CELF2: variants seen among roughly 807,000 people sequenced by gnomAD.
CELF2 encodes the protein CUG triplet repeat RNA-binding protein 2.
CELF2 carries 8 observed loss-of-function variants against 62.6 expected under a neutral mutation model. That is an observed-to-expected ratio of 0.13 (90% confidence interval 0.07 to 0.23). The LOEUF (loss-of-function observed/expected upper bound fraction) is 0.23, where lower values mean the gene tolerates loss of function less well. CELF2 is among the 10% of genes least tolerant of loss of function. The pLI is 1.00. For synonymous variants in CELF2, 258 were observed against 250.0 expected (o/e 1.03, Z -0.30); for missense variants, 333 against 671.0 (o/e 0.50, Z 5.56).
At chr10:11,164,587 C>T (rs1309878157) in intron 1 of CELF2, among the ~76,000 whole-genome samples, 1 of 151,738 alleles carries the variant, frequency 6.6e-6, no homozygotes, top group Non-Finnish European at 1.5e-5. Context: ...GTCAGATATA[C>T]AGAGAACAAT....
At chr10:10,880,022 C>T (rs932832247) in intron 1 of CELF2, among the ~76,000 whole-genome samples, 5 of 152,174 alleles carry the variant, frequency 3.3e-5, no homozygotes, top group Non-Finnish European at 5.9e-5. Flanking sequence ...TTTATTCAGC[C>T]TTCTAAGTAG....
At chr10:10,988,165 C>T (rs1243821724) in intron 2 of CELF2, among the ~76,000 whole-genome samples, 1 of 151,910 alleles carries the variant, frequency 6.6e-6, no homozygotes, top group Non-Finnish European at 1.5e-5. Context: ...GCACAATTCG[C>T]AATTGCCAAG....
At chr10:11,006,996 G>A (rs2055392067) in intron 1 of CELF2, among the ~76,000 whole-genome samples, 1 of 152,148 alleles carries the variant, frequency 6.6e-6, no homozygotes, top group Non-Finnish European at 1.5e-5. Context: ...AGAAATAAAA[G>A]AATTGGCCCT....
chr10:10,692,088 T>C, the CELF2 span, among the ~76,000 whole-genome samples: 2,206 of 145,142 alleles, frequency 0.015, 27 homozygotes, highest in East Asian at 0.12. Context: ...TTGCCCATGC[T>C]TATGTCCTGA....
chr10:10,670,400 A>G, the CELF2 span, among the ~76,000 whole-genome samples: 1 of 152,200 alleles, frequency 6.6e-6, no homozygotes, highest in African/African-American at 2.4e-5. Context: ...AAATGAAAAT[A>G]AGGTTATTCG....
chr10:10,601,337 C>T, the CELF2 span, among the ~76,000 whole-genome samples: 1 of 152,146 alleles, frequency 6.6e-6, no homozygotes, highest in Non-Finnish European at 1.5e-5. Flanking sequence ...GGGACAGCAG[C>T]AAGAAGAGGT....
intron 1 of CELF2, among the ~76,000 whole-genome samples, chr10:10,879,977 G>C (rs1250918940): frequency 6.6e-6 from 1 of 152,134 alleles, no homozygotes; most frequent in Non-Finnish European, 1.5e-5. Context: ...AACTCAAGCA[G>C]TTCAATTTTC....
the CELF2 span, among the ~76,000 whole-genome samples, chr10:10,628,030 G>A: frequency 2.0e-5 from 3 of 152,244 alleles, no homozygotes; most frequent in Admixed American, 2.0e-4. Context: ...AGCCTCCCAA[G>A]TAGCTGGGAT....
At chr10:10,999,672 A>G (rs2054326769) in intron 2 of CELF2, among the ~76,000 whole-genome samples, 1 of 152,230 alleles carries the variant, frequency 6.6e-6, no homozygotes, top group South Asian at 2.1e-4. Flanking sequence ...TTCCTACACC[A>G]TCTGGGTCTC....
At position 11,331,216 on chromosome 10, in the gene CELF2, G is replaced by C. The variant is rs183957066; in HGVS notation, c.*2163G>C. ...TGTTGGTGCTTCTGTGAATTAAGTT[G>C]TGGTTTCATCATGAGTCTTAATGTT... On this transcript the variant is annotated 3_prime_UTR_variant, in exon 13 of 13. Transcript: ENST00000633077. 6.6e-6 allele frequency: 1 copy of C among 150,566 alleles called. No homozygotes were observed. Among genetic ancestry groups the C allele is most frequent in the East Asian group, 2.0e-4 (1 of 5,128 alleles). The allele number at this position is 150,566 out of a possible 1,614,324, so 9.3% of individuals were successfully genotyped here.
At chr10:10,996,344 T>C (rs575840010) in intron 2 of CELF2, among the ~76,000 whole-genome samples, 1 of 152,352 alleles carries the variant, frequency 6.6e-6, no homozygotes, top group South Asian at 2.1e-4. Flanking sequence ...GCACTTATGA[T>C]TCTATCTCAG....
intron 2 of CELF2, among the ~76,000 whole-genome samples, chr10:11,199,301 A>G (rs1052627103): frequency 6.6e-5 from 10 of 152,180 alleles, no homozygotes; most frequent in Non-Finnish European, 1.5e-4. Context: ...GTTATCTCTT[A>G]GGCCTGCTTT....
chr10:10,740,796 G>A, the CELF2 span, among the ~76,000 whole-genome samples: 1 of 152,130 alleles, frequency 6.6e-6, no homozygotes, highest in East Asian at 1.9e-4. Flanking sequence ...GGATGAAACT[G>A]GAAGACATTA....
the CELF2 span, among the ~76,000 whole-genome samples, chr10:10,561,610 G>A: frequency 1.3e-5 from 2 of 152,206 alleles, no homozygotes; most frequent in Admixed American, 1.3e-4. Flanking sequence ...AATTGTAGGT[G>A]TTGTATTTTA....
chr10:11,282,546 G>A (rs746227958), intron 8 of CELF2, among the ~76,000 whole-genome samples: 40 of 152,216 alleles, frequency 2.6e-4, no homozygotes, highest in Non-Finnish European at 1.6e-4. Flanking sequence ...TGTCATTGTC[G>A]TTTAGGACAG....
chr10:11,219,391 A>T (rs1478944670), intron 3 of CELF2, among the ~76,000 whole-genome samples: 1 of 152,222 alleles, frequency 6.6e-6, no homozygotes, highest in Non-Finnish European at 1.5e-5. Context: ...CTTCCTAAAA[A>T]TCCTGCATGT....
At chr10:11,162,351 G>T (rs1010108112) in intron 1 of CELF2, among the ~76,000 whole-genome samples, 3 of 152,234 alleles carry the variant, frequency 2.0e-5, no homozygotes, top group Non-Finnish European at 2.9e-5. Flanking sequence ...AAGGTGGGGG[G>T]TGGTGATATT....
At chr10:11,009,662 A>C (rs2137346492) in intron 1 of CELF2, among the ~76,000 whole-genome samples, 1 of 152,308 alleles carries the variant, frequency 6.6e-6, no homozygotes, top group East Asian at 1.9e-4. Flanking sequence ...CTGCTACTTC[A>C]GCCCATTCCA....
At chr10:10,690,973 A>C in the CELF2 span, among the ~76,000 whole-genome samples, 1 of 151,984 alleles carries the variant, frequency 6.6e-6, no homozygotes, top group South Asian at 2.1e-4. Flanking sequence ...TTTCAGAGAA[A>C]AGGGAAATCG....
Sources: gnomAD v4.1 joint callset for allele counts (sites outside exome capture counted in the v4.1 genomes callset) on GRCh38, gnomAD v4.1.1 for gene constraint, MANE v1.5 for transcripts, NCBI Gene and HGNC (gene_info 2026-07-23, HGNC 2026-07-21) for gene names.